The following FANCC variants were observed in gnomAD, a reference collection of about 807,000 sequenced individuals.
FANCC encodes the protein FA complementation group C, also known as Fanconi anemia group C protein.
In FANCC, 55 loss-of-function variants were observed where a neutral mutation model predicts 71.3. The observed-to-expected ratio is 0.77, with a 90% CI of 0.62 to 0.97. FANCC has a LOEUF of 0.97. Among genes scored for constraint, FANCC ranks in the 50% least tolerant of loss-of-function variants. The pLI is 0.00. For synonymous variants in FANCC, 275 were observed against 244.9 expected (o/e 1.12, Z -1.15); for missense variants, 678 against 670.9 (o/e 1.01, Z -0.12).
intron 1 of FANCC, among the ~76,000 whole-genome samples, chr9:95,280,657 A>G (rs1833333067): frequency 6.6e-6 from 1 of 152,224 alleles, no homozygotes; most frequent in South Asian, 2.1e-4. Flanking sequence ...AGGCACTACT[A>G]AATAACCAGC....
chr9:95,256,973 CAAG>C (rs1194092559), intron 1 of FANCC, among the ~76,000 whole-genome samples: 4 of 152,108 alleles, frequency 2.6e-5, no homozygotes, highest in African/African-American at 9.7e-5. Context: ...ATGAATACAA[CAAG>C]AAGAGCTTAC....
rs771707881 is a variant in FANCC at position 95,237,123 on chromosome 9, T to C, written c.345+3526A>G. 1.3e-4 allele frequency among the ~76,000 whole-genome samples: 20 copies of C among 152,234 alleles called. 1 individual carries two copies. The highest frequency in any genetic ancestry group is 2.4e-4 in the Non-Finnish European group (16 of 68,048). On this transcript the variant is annotated intron_variant, in intron 4 of 14. Coordinates refer to ENST00000289081, the MANE Select transcript of FANCC (RefSeq NM_000136.3). Reference sequence around the variant, plus strand: ...ATTGTTAAGAGTTAAATCATTAATATGTTCCTAGACATCTTTTTATCGGTT... The same window carrying C: ...ATTGTTAAGAGTTAAATCATTAATACGTTCCTAGACATCTTTTTATCGGTT...
At chr9:95,166,719 G>C (rs1831089726) in intron 6 of FANCC, among the ~76,000 whole-genome samples, 2 of 152,136 alleles carry the variant, frequency 1.3e-5, no homozygotes, top group Non-Finnish European at 2.9e-5. Context: ...AGAACCCAAA[G>C]ATTGAACGTT....
chr9:95,301,736 T>C (rs1392857125), intron 1 of FANCC, among the ~76,000 whole-genome samples: 1 of 152,060 alleles, frequency 6.6e-6, no homozygotes, highest in East Asian at 1.9e-4. Flanking sequence ...ATTTTTTCCC[T>C]GTGTTTTTCA....
At position 95,150,073 on chromosome 9, in the gene FANCC, C is replaced by T. The variant is rs538875706; in HGVS notation, c.536G>A (p.Arg179Gln). Residue 179 changes from arginine to glutamine, a missense_variant, in exon 7 of 15, where the codon CGA becomes CAA. Transcript: ENST00000289081. ...ACAAACTCGTGACAGGGACGCCACT[C>T]GCTCGGGAGCCATTCTATGGAAGAA... is the stretch of plus-strand genomic sequence containing the variant. Reference protein sequence around the residue: ...FNTQRRMAPERVASLSRVCVP... With the variant: ...FNTQRRMAPEQVASLSRVCVP... 71 of 1,614,076 alleles carry T rather than the reference C, an allele frequency of 4.4e-5. 1 individual carries two copies. Among genetic ancestry groups the T allele is most frequent in the South Asian group, 4.3e-4 (39 of 91,070 alleles).
chr9:95,148,772 A>C (rs1829899363), intron 7 of FANCC, among the ~76,000 whole-genome samples: 2 of 152,238 alleles, frequency 1.3e-5, no homozygotes, highest in Non-Finnish European at 2.9e-5. Flanking sequence ...ATGGGTTTCT[A>C]ATGTAACAGA....
At chr9:95,130,879 A>T (rs752696785) in intron 8 of FANCC, among the ~76,000 whole-genome samples, 1 of 152,216 alleles carries the variant, frequency 6.6e-6, no homozygotes, top group Non-Finnish European at 1.5e-5. Flanking sequence ...AAACCTTCAC[A>T]TCTATCATGT....
At chr9:95,176,331 T>C (rs911269689) in intron 4 of FANCC, among the ~76,000 whole-genome samples, 2 of 152,210 alleles carry the variant, frequency 1.3e-5, no homozygotes, top group African/African-American at 4.8e-5. Context: ...TTACTCTTAC[T>C]GTGAAGCCCA....
intron 4 of FANCC, among the ~76,000 whole-genome samples, chr9:95,226,986 T>C (rs1588312516): frequency 6.6e-6 from 1 of 152,204 alleles, no homozygotes; most frequent in East Asian, 1.9e-4. Context: ...AGCTGACGGT[T>C]CTGTGGAGAC....
intron 1 of FANCC, among the ~76,000 whole-genome samples, chr9:95,254,649 C>A (rs746642517): frequency 6.6e-6 from 1 of 152,134 alleles, no homozygotes; most frequent in South Asian, 2.1e-4. Flanking sequence ...CAAAACTGGG[C>A]GGCCATTTGG....
intron 13 of FANCC, chr9:95,110,904 T>G: frequency 7.7e-7 from 1 of 1,292,732 alleles, no homozygotes; most frequent in Non-Finnish European, 9.9e-7. Context: ...TTAGCTGCTC[T>G]GTTATTTAGG....
At chr9:95,314,018 GA>G (rs1186734387) in intron 1 of FANCC, among the ~76,000 whole-genome samples, 1 of 152,106 alleles carries the variant, frequency 6.6e-6, no homozygotes, top group Non-Finnish European at 1.5e-5. Flanking sequence ...CCTAAGATGA[GA>G]AATAAGTCAA....
chr9:95,138,423 C>T lies in FANCC; in HGVS notation c.687-2921G>A, dbSNP rs1564682760. On this transcript the variant is annotated intron_variant, in intron 7 of 14. Coordinates refer to ENST00000289081, the MANE Select transcript of FANCC (RefSeq NM_000136.3). ...GGAGCCCTGGAGAGGGGTTCCTGTC[C>T]AGTAATCATGGGGAAGCAGAACACC... Among the ~76,000 whole-genome samples the T allele has an allele frequency of 2.0e-5, 3 of 152,146 alleles. No individual in the cohort carries two copies. The South Asian group carries it at 6.2e-4, about 32-fold the overall frequency.
intron 1 of FANCC, among the ~76,000 whole-genome samples, chr9:95,251,767 T>C (rs777005159): frequency 1.6e-4 from 24 of 152,248 alleles, no homozygotes; most frequent in Non-Finnish European, 2.8e-4. Flanking sequence ...CTTGGCAATA[T>C]ATTAAATACT....
intron 10 of FANCC, 38 bp downstream of exon 10, chr9:95,125,048 C>A (rs763977099): frequency 1.9e-6 from 3 of 1,540,714 alleles, no homozygotes; most frequent in African/African-American, 1.4e-5. Context: ...GCGTCTTATT[C>A]TCTGGGATGA....
chr9:95,146,487 CAAAAAA>C (rs61093923), intron 7 of FANCC, among the ~76,000 whole-genome samples: 25 of 45,570 alleles, frequency 5.5e-4, no homozygotes, highest in East Asian at 2.3e-3. Flanking sequence ...GACCCCATCT[CAAAAAA>C]AAAAAAAAAA....
intron 4 of FANCC, among the ~76,000 whole-genome samples, chr9:95,230,048 A>G (rs1003946284): frequency 6.6e-6 from 1 of 152,230 alleles, no homozygotes; most frequent in Non-Finnish European, 1.5e-5. Context: ...AATGTCTGAA[A>G]AGCTGACAAA....
intron 4 of FANCC, among the ~76,000 whole-genome samples, chr9:95,209,561 T>C (rs768271400): frequency 7.9e-5 from 12 of 152,340 alleles, no homozygotes; most frequent in Middle Eastern, 3.4e-3. Context: ...AAGTTTATTC[T>C]TTTTAAAAGC....
At chr9:95,199,218 G>A (rs1246517617) in intron 4 of FANCC, among the ~76,000 whole-genome samples, 2 of 151,932 alleles carry the variant, frequency 1.3e-5, no homozygotes, top group Non-Finnish European at 2.9e-5. Flanking sequence ...CTGCACTCTG[G>A]CCAGTTTTCG....
Sources: allele counts gnomAD v4.1 joint callset (sites outside exome capture counted in the v4.1 genomes callset), GRCh38; gene constraint gnomAD v4.1.1; transcripts MANE v1.5; gene names NCBI Gene and HGNC (gene_info 2026-07-23, HGNC 2026-07-21).